The following PLCG1 variants were observed in gnomAD, a reference collection of about 807,000 sequenced individuals.
PLCG1 encodes the protein 1-phosphatidylinositol 4,5-bisphosphate phosphodiesterase gamma-1.
In PLCG1, 71 loss-of-function variants were observed where a neutral mutation model predicts 177.8. The ratio of observed to expected loss-of-function variants is 0.40; its 90% CI spans 0.33 to 0.49. The LOEUF is 0.49. Among genes scored for constraint, PLCG1 ranks in the 20% least tolerant of loss-of-function variants. PLCG1 has a pLI of 0.72. For missense variants in PLCG1, 1,281 were observed against 1,709.0 expected, an observed-to-expected ratio of 0.75 and a Z score of 4.42; for synonymous variants, 658 against 647.9, an observed-to-expected ratio of 1.02 and a Z score of -0.24.
rs1278340321 is a variant in PLCG1, at chr20:41,138,498, G to A, written c.217+640G>A. ...CTGGAATTTTTTTTTTTTTTTTTCT[G>A]CTACTTTTGTCCCAAAGCTGGGTTT... On this transcript the variant is annotated intron_variant, in intron 1 of 31. Coordinates refer to ENST00000685551, the MANE Select transcript of PLCG1 (RefSeq NM_002660.3). Among the ~76,000 whole-genome samples, 4 of 136,792 alleles carry A rather than the reference G, an allele frequency of 2.9e-5. No homozygotes were observed. The East Asian group carries it at 6.3e-4, about 22-fold the overall frequency. 89.7% of individuals were successfully genotyped at this position (136,792 alleles called of 152,430 possible). A position where few individuals can be genotyped will look rare whatever the true frequency, so the allele number is the denominator to read the frequency against.
chr20:41,168,914 G>A, intron 21 of PLCG1, 44 bp downstream of exon 21: 1 of 1,367,586 alleles, frequency 7.3e-7, no homozygotes, highest in Non-Finnish European at 1.0e-6. Flanking sequence ...GGGCCCCAGT[G>A]GAGCTGGGGC....
chr20:41,168,802 G>C lies in PLCG1; in HGVS notation c.2415G>C (p.Gln805His). 6.2e-7 allele frequency: 1 copy of C among 1,612,820 alleles called. No homozygotes were observed. The highest frequency in any genetic ancestry group is 8.5e-7 in the Non-Finnish European group (1 of 1,179,358). The change falls in exon 21 of 32, where the codon CAG becomes CAC. Residue 805 changes from glutamine (Q) to histidine (H), a missense_variant. Physicochemically the swap from Gln to His is conservative, Grantham distance 24. Transcript: ENST00000685551. ...AVKALFDYKA[Q>H]REDELTFIKS... ...AAGCCCTCTTTGACTACAAGGCCCA[G>C]AGGGAGGACGAGCTGACCTTCATCA... is the stretch of plus-strand genomic sequence containing the variant.
rs2035976593 is a variant in PLCG1 at position 41,173,776 on chromosome 20, G to A, written c.3519G>A (p.Leu1173=). The change falls in exon 29 of 32, where the codon CTG becomes CTA. Residue 1173 remains leucine, a synonymous_variant. Coordinates refer to ENST00000685551, the MANE Select transcript of PLCG1 (RefSeq NM_002660.3). This position sits in a 1 kb window ranked among gnomAD's most constrained non-coding sequence, Gnocchi z 6.2. ...EEDMFSDQNF[L]AQATFPVKGL... is the part of the protein sequence containing the mutation. ...ACATGTTTAGTGACCAGAATTTCCT[G>A]GCTCAGGCTACTTTCCCAGTAAAAG... The A allele has an allele frequency of 1.9e-6, 3 of 1,614,046 alleles. No individual in the cohort carries two copies. Among genetic ancestry groups the A allele is most frequent in the South Asian group, 1.1e-5 (1 of 91,082 alleles).
rs2036010107 is a variant in PLCG1, at chr20:41,174,722, A to C, written c.*213A>C. 1 of 588,662 alleles carries C rather than the reference A, an allele frequency of 1.7e-6. No homozygotes were observed. The highest frequency in any genetic ancestry group is 3.0e-6 in the Non-Finnish European group (1 of 328,352). 36.5% of individuals were successfully genotyped at this position (588,662 alleles called of 1,614,324 possible). On this transcript the variant is annotated 3_prime_UTR_variant, in exon 32 of 32. Transcript: ENST00000685551. This position sits in a 1 kb window ranked among gnomAD's most constrained non-coding sequence, Gnocchi z 5.8. The stretch of plus-strand genomic sequence containing the variant: ...ATGCCCCAGCTCTGGATGAAGGCAA[A>C]AACTGTACTGTGTTTCGCATTAAGC...
rs1338748347 is a variant in PLCG1, at chr20:41,157,138, C to G, written c.218-2468C>G. Among the ~76,000 whole-genome samples, 1 of 152,098 alleles carries G rather than the reference C, an allele frequency of 6.6e-6. No individual in the cohort carries two copies. The highest frequency in any genetic ancestry group is 1.5e-5 in the Non-Finnish European group (1 of 68,030). On this transcript the variant is annotated intron_variant, in intron 1 of 31. Coordinates refer to ENST00000685551, the MANE Select transcript of PLCG1 (RefSeq NM_002660.3). This position sits in a 1 kb window ranked among gnomAD's most constrained non-coding sequence, Gnocchi z 5.4. ...CGCTATGCTTACCTGGTTCCTATCT[C>G]AGGCACCTGTTCTGCCTTCAACTGA...
chr20:41,139,351 C>A (rs981752616), intron 1 of PLCG1, among the ~76,000 whole-genome samples: 2 of 152,198 alleles, frequency 1.3e-5, no homozygotes, highest in African/African-American at 4.8e-5. Context: ...AGGCATCAGG[C>A]TCCAGGCATG....
At chr20:41,168,940 T>G (rs957680233) in intron 21 of PLCG1, 70 bp downstream of exon 21, 2 of 1,173,608 alleles carry the variant, frequency 1.7e-6, no homozygotes, top group African/African-American at 3.0e-5. Flanking sequence ...AGACATGCAT[T>G]TGTGATGTGC....
chr20:41,166,644 C>T lies in PLCG1; in HGVS notation c.2121-35C>T, dbSNP rs185521809. 793 of 1,614,054 alleles carry T rather than the reference C, an allele frequency of 4.9e-4. 1 individual carries two copies. The African/African-American group carries it at 8.7e-3, about 18-fold the overall frequency. ...TGGGGCCTTGCTTGGGTCTGAGCTG[C>T]CCTGACCCTGTGTGACTGTTTTGTC... On this transcript the variant is annotated intron_variant, in intron 18 of 31. Coordinates refer to ENST00000685551, the MANE Select transcript of PLCG1 (RefSeq NM_002660.3). This position sits in a 1 kb window ranked among gnomAD's most constrained non-coding sequence, Gnocchi z 8.6.
In PLCG1 at chr20:41,150,603, GA is replaced by G. The variant is rs2035136388; in HGVS notation, c.218-8999del. On this transcript the variant is annotated intron_variant, in intron 1 of 31. Coordinates refer to ENST00000685551, the MANE Select transcript of PLCG1 (RefSeq NM_002660.3). The surrounding 1 kb of genome is among the most constrained non-coding windows in gnomAD (Gnocchi z 4.0). ...CTGGAGAATCTTCTGGGCTTGTGCA[GA>G]AAAGTTGGGGAAAGCCACCTTTCCC... Among the ~76,000 whole-genome samples, 11 of 152,288 alleles carry G rather than the reference GA, an allele frequency of 7.2e-5. No individual in the cohort carries two copies. The South Asian group carries it at 2.3e-3, about 32-fold the overall frequency.
intron 1 of PLCG1, among the ~76,000 whole-genome samples, chr20:41,141,422 C>T (rs1329226983): frequency 6.6e-6 from 1 of 152,248 alleles, no homozygotes; most frequent in African/African-American, 2.4e-5. Context: ...CTTGATGAGG[C>T]AGGCGGGCTC....
At chr20:41,141,533 A>AC (rs1444905948) in intron 1 of PLCG1, among the ~76,000 whole-genome samples, 3 of 152,226 alleles carry the variant, frequency 2.0e-5, no homozygotes, top group African/African-American at 7.2e-5. Context: ...GGCCCACAGC[A>AC]CGGGAGAGGG....
chr20:41,140,054 G>C (rs2034770475), intron 1 of PLCG1, among the ~76,000 whole-genome samples: 1 of 152,140 alleles, frequency 6.6e-6, no homozygotes, highest in African/African-American at 2.4e-5. Context: ...CATGTATTTG[G>C]GGGATGGAGG....
rs2035010308 is a variant in PLCG1, at chr20:41,146,863, G to A, written c.217+9005G>A. 6.6e-6 allele frequency among the ~76,000 whole-genome samples: 1 copy of A among 152,162 alleles called. No homozygotes were observed. The highest frequency in any genetic ancestry group is 2.1e-4 in the South Asian group (1 of 4,830). The stretch of plus-strand genomic sequence containing the variant: ...TTGACTTCAGCCTAAGGCCCAGAGA[G>A]TGTGGGCCTGAGTTCACAGGGTGAC... On this transcript the variant is annotated intron_variant, in intron 1 of 31. Transcript: ENST00000685551. The surrounding 1 kb of genome is among the most constrained non-coding windows in gnomAD (Gnocchi z 6.3).
In PLCG1 at chr20:41,159,663, G is replaced by A; in HGVS notation, c.275G>A (p.Arg92His). The change falls in exon 2 of 32, where the codon CGC becomes CAC. Residue 92 changes from arginine to histidine, a missense_variant. By Grantham distance (29) the Arg-to-His change is conservative. Coordinates refer to ENST00000685551, the MANE Select transcript of PLCG1 (RefSeq NM_002660.3). The surrounding 1 kb of genome is among the most constrained non-coding windows in gnomAD (Gnocchi z 6.0). ...GGGAAGACCTCACGGGACTTTGATC[G>A]CTATCAAGAGGACCCAGCTTTCCGG... is the stretch of plus-strand genomic sequence containing the variant. ...RPGKTSRDFD[R>H]YQEDPAFRPD... The A allele has an allele frequency of 6.2e-7, 1 of 1,614,180 alleles. No homozygotes were observed. The highest frequency in any genetic ancestry group is 8.5e-7 in the Non-Finnish European group (1 of 1,180,008).
chr20:41,169,438 TG>T lies in PLCG1; in HGVS notation c.2581-16del. 6.2e-7 allele frequency: 1 copy of T among 1,600,862 alleles called. No individual in the cohort carries two copies. Among genetic ancestry groups the T allele is most frequent in the Non-Finnish European group, 8.6e-7 (1 of 1,168,066 alleles). ...ATGCAGTAGCCATGCTGACCATTGG[TG>T]GGCTTTGCTTCCCACAGCACTTGGA... On this transcript the variant is annotated intron_variant, in intron 22 of 31. Coordinates refer to ENST00000685551, the MANE Select transcript of PLCG1 (RefSeq NM_002660.3).
At chr20:41,155,493 G>A (rs2035291918) in intron 1 of PLCG1, among the ~76,000 whole-genome samples, 1 of 152,162 alleles carries the variant, frequency 6.6e-6, no homozygotes. Context: ...GTGTGCTGGT[G>A]GGGCACTGCA....
At position 41,170,294 on chromosome 20, in the gene PLCG1, G is replaced by C. The variant is rs568028430; in HGVS notation, c.2808+25G>C. 239 of 1,613,650 alleles carry C rather than the reference G, an allele frequency of 1.5e-4. 3 individuals carry two copies. The South Asian group carries it at 2.5e-3, about 17-fold the overall frequency. On this transcript the variant is annotated intron_variant, in intron 24 of 31. Coordinates refer to ENST00000685551, the MANE Select transcript of PLCG1 (RefSeq NM_002660.3). Reference sequence around the variant, plus strand: ...GGTGAGATTCTGCTGGAACCTTCTGGGGGGCAGTGTGTGGGCCCGTCAGGC... The same window carrying C: ...GGTGAGATTCTGCTGGAACCTTCTGCGGGGCAGTGTGTGGGCCCGTCAGGC...
At position 41,167,951 on chromosome 20, in the gene PLCG1, A is replaced by G; in HGVS notation, c.2379+22A>G. 1.3e-6 allele frequency: 2 copies of G among 1,570,246 alleles called. No individual in the cohort carries two copies. The highest frequency in any genetic ancestry group is 1.8e-6 in the Non-Finnish European group (2 of 1,140,660). On this transcript the variant is annotated intron_variant, in intron 20 of 31. Transcript: ENST00000685551. The surrounding 1 kb of genome is among the most constrained non-coding windows in gnomAD (Gnocchi z 4.4). ...CAAGGTACAGCTCAGGCCTCTGGGC[A>G]TAGGAAGCTGGGGAGGGTCCCCAGC...
chr20:41,164,856 A>G lies in PLCG1; in HGVS notation c.1218-77A>G, dbSNP rs1017010444. ...GAAGCCCCCAGGCCCTTGGCTTCCA[A>G]CAGCTCACTGTGAGGGGCTACTTAG... On this transcript the variant is annotated intron_variant, in intron 12 of 31. Coordinates refer to ENST00000685551, the MANE Select transcript of PLCG1 (RefSeq NM_002660.3). This position sits in a 1 kb window ranked among gnomAD's most constrained non-coding sequence, Gnocchi z 6.4. The G allele has an allele frequency of 2.1e-6, 3 of 1,456,672 alleles. No individual in the cohort carries two copies. Among genetic ancestry groups the G allele is most frequent in the East Asian group, 2.3e-5 (1 of 43,548 alleles). 90.2% of individuals were successfully genotyped at this position (1,456,672 alleles called of 1,614,324 possible).
Sources: allele counts gnomAD v4.1 joint callset (sites outside exome capture counted in the v4.1 genomes callset), GRCh38; gene constraint gnomAD v4.1.1; non-coding constraint Gnocchi (gnomAD v3.1); transcripts MANE v1.5; gene names NCBI Gene and HGNC (gene_info 2026-07-23, HGNC 2026-07-21).